Variants in FAXC observed in about 807,000 individuals in gnomAD.
The protein encoded by FAXC is failed axon connections homolog, metaxin like GST domain containing.
A neutral mutation model predicts 41.9 loss-of-function variants in FAXC; 10 were observed. That is an observed-to-expected ratio of 0.24 (90% CI 0.15 to 0.41). The LOEUF is 0.41. Among genes scored for constraint, FAXC ranks in the 10% least tolerant of loss-of-function variants. FAXC has a pLI of 1.00. For synonymous variants in FAXC, 183 were observed against 183.8 expected (o/e 1.00, Z 0.03); for missense variants, 399 against 510.9 (o/e 0.78, Z 2.11).
chr6:99,308,410 C>T (rs1772015598), intron 4 of FAXC, among the ~76,000 whole-genome samples: 1 of 152,004 alleles, frequency 6.6e-6, no homozygotes, highest in African/African-American at 2.4e-5. Flanking sequence ...CTGGTAAGAC[C>T]ACGTGGCATT....
intron 4 of FAXC, among the ~76,000 whole-genome samples, chr6:99,318,728 C>T (rs936554350): frequency 6.6e-6 from 1 of 152,136 alleles, no homozygotes. Context: ...TAGTCCCCAC[C>T]CACTGTGATG....
chr6:99,303,324 T>C (rs1252768122), intron 4 of FAXC, among the ~76,000 whole-genome samples: 1 of 152,222 alleles, frequency 6.6e-6, no homozygotes, highest in Admixed American at 6.5e-5. Flanking sequence ...CAGTATACTG[T>C]AGGTGTTCAG....
chr6:99,348,988 G>A lies in FAXC; in HGVS notation c.266+119C>T, dbSNP rs1279346431. ...TGCCTTTAGGGAAAGGTAATTGCAG[G>A]GCGCTTGGGCATCTGGGCAGCTTGA... is the stretch of plus-strand genomic sequence containing the variant. On this transcript the variant is annotated intron_variant, in intron 1 of 5. Coordinates refer to ENST00000389677, the MANE Select transcript of FAXC (RefSeq NM_032511.4). The A allele has an allele frequency of 5.3e-6, 5 of 941,438 alleles. No individual in the cohort carries two copies. The African/African-American group carries it at 8.2e-5, about 15-fold the overall frequency. The allele number at this position is 941,438 out of a possible 1,614,324, so 58.3% of individuals were successfully genotyped here.
rs1349700666 is a variant in FAXC, at chr6:99,281,013, A to G, written c.*151T>C. ...ATGGTTCTGTGTTTTGTTTGTACAAAAAAGAAATAAGGCTGCTATAGTCCA... is the reference window on the plus strand; with the variant it reads ...ATGGTTCTGTGTTTTGTTTGTACAAGAAAGAAATAAGGCTGCTATAGTCCA... On this transcript the variant is annotated 3_prime_UTR_variant, in exon 6 of 6. Transcript: ENST00000389677. 3.2e-6 allele frequency: 2 copies of G among 618,472 alleles called. No individual in the cohort carries two copies. The highest frequency in any genetic ancestry group is 5.8e-6 in the Non-Finnish European group (2 of 342,660). 38.3% of individuals were successfully genotyped at this position (618,472 alleles called of 1,614,324 possible). A position where few individuals can be genotyped will look rare whatever the true frequency, so the allele number is the denominator to read the frequency against.
chr6:99,277,625 G>C lies in FAXC; in HGVS notation c.*3539C>G, dbSNP rs1172591268. On this transcript the variant is annotated 3_prime_UTR_variant, in exon 6 of 6. Coordinates refer to ENST00000389677, the MANE Select transcript of FAXC (RefSeq NM_032511.4). The stretch of plus-strand genomic sequence containing the variant: ...GTCTTGACCAGGCTGACAGGACATG[G>C]ACAAAAGCGAAGTAGGATTCCAACC... 6.6e-6 allele frequency: 1 copy of C among 152,278 alleles called. No individual in the cohort carries two copies. The allele number at this position is 152,278 out of a possible 1,614,324, so 9.4% of individuals were successfully genotyped here.
intron 4 of FAXC, among the ~76,000 whole-genome samples, chr6:99,294,406 G>T (rs1277209038): frequency 6.6e-6 from 1 of 152,208 alleles, no homozygotes; most frequent in Non-Finnish European, 1.5e-5. Context: ...GGGCAGGAGG[G>T]GGTGTTGGCC....
Position 99,281,459 on chromosome 6 carries a change from G to T in FAXC, c.941-6C>A, listed in dbSNP as rs758307419. 24 of 1,604,958 alleles carry T rather than the reference G, an allele frequency of 1.5e-5. 1 individual carries two copies. In the South Asian group the frequency reaches 2.7e-4, roughly 18 times the overall value. ...GGCAAGGTTGATCAGCTCACCTGCA[G>T]TGTGGTAAGGAAAGCAAGGATTAGT... On this transcript the variant is annotated splice_polypyrimidine_tract_variant and splice_region_variant and intron_variant, in intron 5 of 5. Coordinates refer to ENST00000389677, the MANE Select transcript of FAXC (RefSeq NM_032511.4).
At chr6:99,335,816 A>G (rs1773196655) in intron 2 of FAXC, among the ~76,000 whole-genome samples, 1 of 152,242 alleles carries the variant, frequency 6.6e-6, no homozygotes, top group Admixed American at 6.5e-5. Context: ...AACAAAATTA[A>G]TAATCAATTC....
At chr6:99,297,214 A>G (rs1352906480) in intron 4 of FAXC, among the ~76,000 whole-genome samples, 2 of 152,142 alleles carry the variant, frequency 1.3e-5, no homozygotes, top group African/African-American at 4.8e-5. Context: ...CAGAGGGTTG[A>G]CCAGGAGATA....
At chr6:99,320,578 C>A (rs181503163) in intron 4 of FAXC, among the ~76,000 whole-genome samples, 1 of 152,296 alleles carries the variant, frequency 6.6e-6, no homozygotes, top group East Asian at 1.9e-4. Flanking sequence ...ATCACACATG[C>A]GGCTCCTTCT....
chr6:99,300,947 G>A (rs542621251), intron 4 of FAXC, among the ~76,000 whole-genome samples: 3 of 152,200 alleles, frequency 2.0e-5, no homozygotes, highest in Non-Finnish European at 4.4e-5. Context: ...TTTGGCCCTC[G>A]GGGCCAGAAA....
chr6:99,317,246 GA>G (rs1772394094), intron 4 of FAXC, among the ~76,000 whole-genome samples: 1 of 151,872 alleles, frequency 6.6e-6, no homozygotes, highest in South Asian at 2.1e-4. Context: ...CCCCCAAAAA[GA>G]GATCATTTCT....
intron 1 of FAXC, 128 bp downstream of exon 1, chr6:99,348,979 T>C: frequency 1.2e-6 from 1 of 852,638 alleles, no homozygotes; most frequent in Non-Finnish European, 1.8e-6. Flanking sequence ...TAGGGAAAGG[T>C]AATTGCAGGG....
At position 99,279,601 on chromosome 6, in the gene FAXC, T is replaced by C. The variant is rs927244207; in HGVS notation, c.*1563A>G. 11 of 152,080 alleles carry C rather than the reference T, an allele frequency of 7.2e-5. No homozygotes were observed. Among genetic ancestry groups the C allele is most frequent in the African/African-American group, 2.4e-4 (10 of 41,390 alleles). The allele number at this position is 152,080 out of a possible 1,614,324, so 9.4% of individuals were successfully genotyped here. On this transcript the variant is annotated 3_prime_UTR_variant, in exon 6 of 6. Transcript: ENST00000389677. ...TTTGTTTGCAATTGTAAATCTTGGC[T>C]CTCCTAGCCCAAATCTCACAGCCAT...
Position 99,274,902 on chromosome 6 carries a change from T to G in FAXC, c.*6262A>C, listed in dbSNP as rs1172477906. The G allele has an allele frequency of 6.6e-6, 1 of 152,230 alleles. No individual in the cohort carries two copies. Among genetic ancestry groups the G allele is most frequent in the Non-Finnish European group, 1.5e-5 (1 of 68,034 alleles). The allele number at this position is 152,230 out of a possible 1,614,324, so 9.4% of individuals were successfully genotyped here. ...GAAGAGGAAAGTCATTGATTATTTT[T>G]TAAAGAGGAGGAAGACAGTAAATAT... On this transcript the variant is annotated 3_prime_UTR_variant, in exon 6 of 6. Coordinates refer to ENST00000389677, the MANE Select transcript of FAXC (RefSeq NM_032511.4).
chr6:99,298,473 C>CAAGT (rs1771582352), intron 4 of FAXC, among the ~76,000 whole-genome samples: 1 of 152,044 alleles, frequency 6.6e-6, no homozygotes, highest in African/African-American at 2.4e-5. Context: ...AACAAGAGCC[C>CAAGT]AAGTAATGCT....
chr6:99,319,558 T>A (rs952902351), intron 4 of FAXC, among the ~76,000 whole-genome samples: 1 of 152,188 alleles, frequency 6.6e-6, no homozygotes, highest in Non-Finnish European at 1.5e-5. Flanking sequence ...TTTGCATGCA[T>A]TACTTTTCTT....
chr6:99,302,352 C>T (rs1268134160), intron 4 of FAXC, among the ~76,000 whole-genome samples: 2 of 152,324 alleles, frequency 1.3e-5, no homozygotes, highest in Non-Finnish European at 2.9e-5. Flanking sequence ...CTGCCACATT[C>T]TTCTTGTTAA....
intron 2 of FAXC, among the ~76,000 whole-genome samples, chr6:99,340,536 A>G (rs1474176255): frequency 1.3e-5 from 2 of 152,136 alleles, no homozygotes; most frequent in South Asian, 2.1e-4. Context: ...GATATTCATC[A>G]GGGAAGTTCT....
Sources: gnomAD v4.1 joint callset for allele counts (sites outside exome capture counted in the v4.1 genomes callset) on GRCh38, gnomAD v4.1.1 for gene constraint, MANE v1.5 for transcripts, NCBI Gene and HGNC (gene_info 2026-07-23, HGNC 2026-07-21) for gene names.